The following IFNLR1 variants were observed in gnomAD, a reference collection of about 807,000 sequenced individuals.
IFNLR1 encodes CRF2-12.
IFNLR1 carries 28 observed loss-of-function variants against 52.5 expected under a neutral mutation model. The ratio of observed to expected loss-of-function variants is 0.53; its 90% CI spans 0.40 to 0.73. The LOEUF is 0.73. Ranked by LOEUF, IFNLR1 falls within the 30% of genes least tolerant of loss-of-function variation. The pLI is 0.00. For synonymous variants in IFNLR1, 276 were observed against 274.9 expected, an observed-to-expected ratio of 1.00 and a Z score of -0.04; for missense variants, 623 against 659.1, an observed-to-expected ratio of 0.95 and a Z score of 0.60.
chr1:24,186,680 A>AACG (rs1644742372), intron 1 of IFNLR1, among the ~76,000 whole-genome samples: 1 of 152,024 alleles, frequency 6.6e-6, no homozygotes, highest in African/African-American at 2.4e-5. Context: ...CAACAACAAC[A>AACG]ACAACAACAA....
rs1169838488 is a variant in IFNLR1 at position 24,185,097 on chromosome 1, A to C, written c.58+2094T>G. ...TTCTGTGAGCCAGGTTCTGTGCTAA[A>C]CAGTTTACCTGCACTTTCTCTTTTA... is the stretch of plus-strand genomic sequence containing the variant. On this transcript the variant is annotated intron_variant, in intron 1 of 6. Transcript: ENST00000327535. Among the ~76,000 whole-genome samples the C allele has an allele frequency of 2.0e-5, 3 of 152,150 alleles. No homozygotes were observed. In the East Asian group the frequency reaches 5.8e-4, roughly 29 times the overall value.
At chr1:24,162,724 T>TTTC (rs1491315931) in intron 3 of IFNLR1, among the ~76,000 whole-genome samples, 578 of 32,404 alleles carry the variant, frequency 0.018, 115 homozygotes, top group East Asian at 0.026. Context: ...TCTTTCTTTC[T>TTTC]TTTCTTTCTT....
chr1:24,175,382 T>G (rs1010888280), intron 2 of IFNLR1, among the ~76,000 whole-genome samples: 1 of 152,248 alleles, frequency 6.6e-6, no homozygotes, highest in Non-Finnish European at 1.5e-5. Flanking sequence ...TAAAATCTAA[T>G]GGAATTTGCC....
chr1:24,162,902 TCCTTCCTTC>T (rs1644476861), intron 3 of IFNLR1, among the ~76,000 whole-genome samples: 18 of 97,522 alleles, frequency 1.8e-4, no homozygotes, highest in Non-Finnish European at 3.1e-4. Context: ...CTTCCTTCCT[TCCTTCCTTC>T]CTTCCTTTTC....
intron 3 of IFNLR1, among the ~76,000 whole-genome samples, chr1:24,162,157 C>T (rs1301027182): frequency 3.9e-5 from 6 of 152,222 alleles, no homozygotes; most frequent in African/African-American, 1.4e-4. Context: ...CATCTGGAAC[C>T]GATGGGGGAG....
intron 3 of IFNLR1, among the ~76,000 whole-genome samples, chr1:24,164,209 T>G (rs1424567828): frequency 6.6e-6 from 1 of 152,156 alleles, no homozygotes. Flanking sequence ...AAAACTCCAT[T>G]AGGTTTCAAG....
intron 3 of IFNLR1, among the ~76,000 whole-genome samples, chr1:24,169,148 A>G (rs1644551323): frequency 6.6e-6 from 1 of 152,238 alleles, no homozygotes; most frequent in South Asian, 2.1e-4. Context: ...ATGGTGCTCA[A>G]CTGAAAATAA....
intron 3 of IFNLR1, among the ~76,000 whole-genome samples, chr1:24,169,026 G>A (rs1388620947): frequency 3.3e-5 from 5 of 152,200 alleles, no homozygotes; most frequent in Admixed American, 2.6e-4. Context: ...TTACAGGCGT[G>A]AGCCACCACG....
intron 4 of IFNLR1, among the ~76,000 whole-genome samples, chr1:24,161,081 G>C (rs1368042461): frequency 3.9e-5 from 6 of 152,074 alleles, no homozygotes; most frequent in Non-Finnish European, 8.8e-5. Flanking sequence ...TATAGGCTAC[G>C]GCTCCTTTTG....
In IFNLR1 at chr1:24,162,831, T is replaced by TTTTCTTTC. The variant is rs71029518; in HGVS notation, c.368-1155_368-1148dup. On this transcript the variant is annotated intron_variant, in intron 3 of 6. Transcript: ENST00000327535. ...TCTTTCTTTTTTTCTTCTTTCTTTC[T>TTTTCTTTC]TTTCTTTCTTTCTTTCTTTCTTTCT... Among the ~76,000 whole-genome samples, 52 of 33,840 alleles carry TTTTCTTTC rather than the reference T, an allele frequency of 1.5e-3. 6 individuals carry two copies. Among genetic ancestry groups the TTTTCTTTC allele is most frequent in the African/African-American group, 4.3e-3 (37 of 8,642 alleles). The allele number at this position is 33,840 out of a possible 152,430, so 22.2% of individuals were successfully genotyped here.
chr1:24,183,076 G>A (rs1465087539), intron 1 of IFNLR1, among the ~76,000 whole-genome samples: 10 of 152,130 alleles, frequency 6.6e-5, no homozygotes, highest in African/African-American at 2.4e-4. Context: ...TGTAGAGTAT[G>A]TGTTATTTTG....
intron 2 of IFNLR1, among the ~76,000 whole-genome samples, chr1:24,172,470 A>T (rs939902294): frequency 3.9e-5 from 6 of 152,148 alleles, no homozygotes; most frequent in Non-Finnish European, 8.8e-5. Flanking sequence ...AATTATATAT[A>T]TTTTTAAAAA....
At chr1:24,161,946 T>C (rs1430548495) in intron 3 of IFNLR1, among the ~76,000 whole-genome samples, 1 of 152,242 alleles carries the variant, frequency 6.6e-6, no homozygotes, top group Non-Finnish European at 1.5e-5. Flanking sequence ...ACCTGCCTTC[T>C]CTCATGCCAT....
chr1:24,164,518 C>T (rs1644497952), intron 3 of IFNLR1, among the ~76,000 whole-genome samples: 1 of 152,178 alleles, frequency 6.6e-6, no homozygotes. Flanking sequence ...AAGCCAGGTC[C>T]ACAGATCCTT....
At chr1:24,174,685 A>G (rs965857534) in intron 2 of IFNLR1, among the ~76,000 whole-genome samples, 1 of 152,224 alleles carries the variant, frequency 6.6e-6, no homozygotes, top group African/African-American at 2.4e-5. Context: ...CAAAAAGATA[A>G]TTTAAAAGAC....
In IFNLR1 at chr1:24,162,800, CTT is replaced by C. The variant is rs1557644039; in HGVS notation, c.368-1118_368-1117del. On this transcript the variant is annotated intron_variant, in intron 3 of 6. Coordinates refer to ENST00000327535, the MANE Select transcript of IFNLR1 (RefSeq NM_170743.4). ...TCTTTTTCTTTCTTTTTCTTTCTTT[CTT>C]TTTTCTTTCTTTTTTTCTTCTTTCT... Among the ~76,000 whole-genome samples, 372 of 62,342 alleles carry C rather than the reference CTT, an allele frequency of 6.0e-3. 23 individuals are homozygous for C. The highest frequency in any genetic ancestry group is 8.1e-3 in the Non-Finnish European group (241 of 29,888). 40.9% of individuals were successfully genotyped at this position (62,342 alleles called of 152,430 possible).
chr1:24,182,250 C>A (rs947472474), intron 1 of IFNLR1, among the ~76,000 whole-genome samples: 1 of 151,738 alleles, frequency 6.6e-6, no homozygotes, highest in African/African-American at 2.4e-5. Flanking sequence ...TAAGTACCCA[C>A]GCCCAGTTCG....
At chr1:24,166,382 T>C (rs6698636) in intron 3 of IFNLR1, among the ~76,000 whole-genome samples, 151,735 of 152,216 alleles carry the variant, frequency 1, 75,628 homozygotes, top group South Asian at 1. Context: ...CTTTTCTCTT[T>C]CACCTTTCTA....
At chr1:24,160,903 T>A (rs1166359325) in intron 4 of IFNLR1, among the ~76,000 whole-genome samples, 4 of 151,852 alleles carry the variant, frequency 2.6e-5, no homozygotes, top group Admixed American at 1.3e-4. Flanking sequence ...TTTTTTTTTT[T>A]TGTAGGGATA....
Sources: gnomAD v4.1 joint callset for allele counts (sites outside exome capture counted in the v4.1 genomes callset) on GRCh38, gnomAD v4.1.1 for gene constraint, MANE v1.5 for transcripts, NCBI Gene and HGNC (gene_info 2026-07-23, HGNC 2026-07-21) for gene names.